Variants in STK32B observed in about 807,000 individuals in gnomAD.
The protein encoded by STK32B is serine/threonine-protein kinase 32B.
A neutral mutation model predicts 52.6 loss-of-function variants in STK32B; 43 were observed. That is an observed-to-expected ratio of 0.82 (90% confidence interval 0.64 to 1.05). The LOEUF (loss-of-function observed/expected upper bound fraction) is 1.05, where lower values mean the gene tolerates loss of function less well. Ranked by LOEUF, STK32B falls within the 50% of genes least tolerant of loss-of-function variation. The pLI, the probability that STK32B is intolerant of heterozygous loss-of-function variation, is 0.00. For synonymous variants in STK32B, 238 were observed against 204.3 expected (o/e 1.17, Z -1.41); for missense variants, 621 against 534.6 (o/e 1.16, Z -1.59).
chr4:5,423,369 C>T (rs1467404246), intron 6 of STK32B, among the ~76,000 whole-genome samples: 1 of 152,108 alleles, frequency 6.6e-6, no homozygotes, highest in Admixed American at 6.5e-5. Context: ...CACTGAGCCA[C>T]AGGACCTCTC....
intron 6 of STK32B, among the ~76,000 whole-genome samples, chr4:5,421,621 G>A (rs761547632): frequency 6.6e-6 from 1 of 152,108 alleles, no homozygotes; most frequent in Non-Finnish European, 1.5e-5. Context: ...GCTCTACTGG[G>A]GCTTCCTGAC....
intron 1 of STK32B, among the ~76,000 whole-genome samples, chr4:5,138,479 A>T (rs936876136): frequency 6.6e-6 from 1 of 152,104 alleles, no homozygotes; most frequent in African/African-American, 2.4e-5. Context: ...AACACTTATT[A>T]TGTACCAGGA....
At chr4:5,208,524 G>T (rs557274669) in intron 3 of STK32B, among the ~76,000 whole-genome samples, 1 of 152,240 alleles carries the variant, frequency 6.6e-6, no homozygotes, top group African/African-American at 2.4e-5. Flanking sequence ...CAATTTCAGG[G>T]CAGAAAACTT....
chr4:5,440,477 T>A (rs1714619882), intron 6 of STK32B, among the ~76,000 whole-genome samples: 2 of 152,342 alleles, frequency 1.3e-5, no homozygotes, highest in East Asian at 3.9e-4. Flanking sequence ...TTTGCTGAAG[T>A]TGCTTATCAG....
At chr4:5,117,724 T>C (rs1286394589) in intron 1 of STK32B, among the ~76,000 whole-genome samples, 3 of 152,214 alleles carry the variant, frequency 2.0e-5, no homozygotes, top group African/African-American at 7.2e-5. Context: ...TTATATTTTT[T>C]GAAGGACTGA....
intron 3 of STK32B, among the ~76,000 whole-genome samples, chr4:5,189,905 T>C (rs1721043104): frequency 6.6e-6 from 1 of 152,148 alleles, no homozygotes; most frequent in African/African-American, 2.4e-5. Context: ...TCCTCTGCAT[T>C]TTTACCACTC....
At chr4:5,369,885 T>G (rs1043975392) in intron 4 of STK32B, among the ~76,000 whole-genome samples, 1 of 141,704 alleles carries the variant, frequency 7.1e-6, no homozygotes, top group Non-Finnish European at 1.5e-5. Context: ...TGTTTGTTTG[T>G]TTTTTTTTGA....
chr4:5,188,413 C>T (rs551847333), intron 3 of STK32B, among the ~76,000 whole-genome samples: 3 of 152,264 alleles, frequency 2.0e-5, no homozygotes, highest in African/African-American at 7.2e-5. Flanking sequence ...TGGCAGCTCC[C>T]CATGGTTTCC....
Position 5,103,014 on chromosome 4 carries a change from G to A in STK32B, c.53-36891G>A, listed in dbSNP as rs531519182. On this transcript the variant is annotated intron_variant, in intron 1 of 11. Coordinates refer to ENST00000282908, the MANE Select transcript of STK32B (RefSeq NM_018401.3). Reference sequence around the variant, plus strand: ...CCAGCATCCATGTACTGGCTACTTTGACCAGCTCATAGGAGTAGAAATATT... The same window carrying A: ...CCAGCATCCATGTACTGGCTACTTTAACCAGCTCATAGGAGTAGAAATATT... 8.9e-5 allele frequency among the ~76,000 whole-genome samples: 13 copies of A among 145,564 alleles called. No homozygotes were observed. In the South Asian group the frequency reaches 2.7e-3, roughly 31 times the overall value.
intron 3 of STK32B, among the ~76,000 whole-genome samples, chr4:5,206,349 C>A (rs1449683498): frequency 1.3e-5 from 2 of 152,160 alleles, no homozygotes; most frequent in East Asian, 3.9e-4. Context: ...AGGAATATCC[C>A]ACTAAATATT....
intron 11 of STK32B, among the ~76,000 whole-genome samples, chr4:5,487,488 G>C (rs1007508935): frequency 1.3e-5 from 2 of 152,026 alleles, no homozygotes; most frequent in African/African-American, 4.8e-5. Flanking sequence ...GAAGCCTAAG[G>C]GCAACAAACT....
At chr4:5,363,459 C>T (rs984555) in intron 4 of STK32B, among the ~76,000 whole-genome samples, 22 of 152,154 alleles carry the variant, frequency 1.4e-4, no homozygotes, top group African/African-American at 5.3e-4. Flanking sequence ...TGAGCTGTGT[C>T]CTGTGGGTTC....
intron 3 of STK32B, among the ~76,000 whole-genome samples, chr4:5,175,265 G>T (rs150548970): frequency 6.6e-6 from 1 of 151,944 alleles, no homozygotes; most frequent in Non-Finnish European, 1.5e-5. Context: ...CCTTCAGCTC[G>T]GAGTAGTTTG....
chr4:5,401,546 G>A (rs774345195), intron 5 of STK32B, among the ~76,000 whole-genome samples: 6 of 152,124 alleles, frequency 3.9e-5, no homozygotes, highest in Non-Finnish European at 7.3e-5. Context: ...TTTATGTCTT[G>A]GAATGGACAC....
chr4:5,366,701 A>G (rs1219231981), intron 4 of STK32B, among the ~76,000 whole-genome samples: 2 of 152,220 alleles, frequency 1.3e-5, no homozygotes, highest in African/African-American at 2.4e-5. Context: ...GCATTTCACA[A>G]AAGCAGACAT....
chr4:5,248,997 C>T (rs770318271), intron 3 of STK32B, among the ~76,000 whole-genome samples: 3 of 152,008 alleles, frequency 2.0e-5, no homozygotes, highest in Non-Finnish European at 4.4e-5. Flanking sequence ...TTAATGGGTG[C>T]AGCACACCGA....
At chr4:5,195,919 C>A (rs1462918223) in intron 3 of STK32B, among the ~76,000 whole-genome samples, 1 of 152,326 alleles carries the variant, frequency 6.6e-6, no homozygotes, top group East Asian at 1.9e-4. Flanking sequence ...AAACAATCTT[C>A]AGTTGTCTTA....
chr4:5,044,981 A>C, the STK32B span, among the ~76,000 whole-genome samples: 1 of 152,126 alleles, frequency 6.6e-6, no homozygotes, highest in Non-Finnish European at 1.5e-5. Context: ...CTACCACCCC[A>C]ACCCCCAATG....
chr4:5,104,151 A>G (rs1713972547), intron 1 of STK32B, among the ~76,000 whole-genome samples: 1 of 151,904 alleles, frequency 6.6e-6, no homozygotes, highest in African/African-American at 2.4e-5. Flanking sequence ...TAATCCCCAC[A>G]TGTCATGGGA....
Sources: allele counts gnomAD v4.1 joint callset (sites outside exome capture counted in the v4.1 genomes callset), GRCh38; gene constraint gnomAD v4.1.1; transcripts MANE v1.5; gene names NCBI Gene and HGNC (gene_info 2026-07-23, HGNC 2026-07-21).